SOCS6: variants seen among roughly 807,000 people sequenced by gnomAD.
SOCS6 encodes STAT induced STAT inhibitor-4.
A neutral mutation model predicts 27.7 loss-of-function variants in SOCS6; 5 were observed. That is an observed-to-expected ratio of 0.18 (90% CI 0.09 to 0.38). The LOEUF (loss-of-function observed/expected upper bound fraction) is 0.38. Ranked by LOEUF, SOCS6 falls within the 10% of genes least tolerant of loss-of-function variation. The pLI, the probability that SOCS6 is intolerant of heterozygous loss-of-function variation, is 1.00. For missense variants in SOCS6, 595 were observed against 688.1 expected, an observed-to-expected ratio of 0.86 and a Z score of 1.51; for synonymous variants, 271 against 260.0, an observed-to-expected ratio of 1.04 and a Z score of -0.41.
At chr18:70,290,852 T>A (rs2062295941) in intron 1 of SOCS6, among the ~76,000 whole-genome samples, 1 of 152,202 alleles carries the variant, frequency 6.6e-6, no homozygotes, top group Non-Finnish European at 1.5e-5. Context: ...ATTGGTAGTC[T>A]TGCCCCTTTC....
At chr18:70,308,041 A>G (rs112774524) in intron 1 of SOCS6, among the ~76,000 whole-genome samples, 3,552 of 152,224 alleles carry the variant, frequency 0.023, 66 homozygotes, top group Non-Finnish European at 0.04. Context: ...CAAAATATTT[A>G]CTAACTTTTC....
intron 1 of SOCS6, among the ~76,000 whole-genome samples, chr18:70,317,140 G>C (rs1000112514): frequency 1.3e-5 from 2 of 152,102 alleles, no homozygotes; most frequent in African/African-American, 4.8e-5. Flanking sequence ...CTGAGATTTG[G>C]GTTCAGCCAT....
At position 70,324,598 on chromosome 18, in the gene SOCS6, G is replaced by GCC. The variant is rs781656056; in HGVS notation, c.-70_-69dup. ...AAAAATACATAGATGCAGCCTTGCAGCCTCTCCAGATGTTTGGGGATAATA... is the reference window on the plus strand; with the variant it reads ...AAAAATACATAGATGCAGCCTTGCAGCCCCTCTCCAGATGTTTGGGGATAATA... On this transcript the variant is annotated 5_prime_UTR_variant, in exon 2 of 2. It removes the in-frame stop codon of an upstream open reading frame in the 5' UTR. Coordinates refer to ENST00000397942, the MANE Select transcript of SOCS6 (RefSeq NM_004232.4). 25 of 1,039,562 alleles carry GCC rather than the reference G, an allele frequency of 2.4e-5. No individual in the cohort carries two copies. The highest frequency in any genetic ancestry group is 3.4e-5 in the Non-Finnish European group (24 of 705,602). 64.4% of individuals were successfully genotyped at this position (1,039,562 alleles called of 1,614,324 possible).
At chr18:70,317,285 A>T (rs1200485126) in intron 1 of SOCS6, among the ~76,000 whole-genome samples, 1 of 152,144 alleles carries the variant, frequency 6.6e-6, no homozygotes, top group African/African-American at 2.4e-5. Flanking sequence ...TCGCACTTAT[A>T]AGTGAGAACA....
Position 70,328,616 on chromosome 18 carries a change from A to G in SOCS6, c.*2340A>G, listed in dbSNP as rs1016682967. On this transcript the variant is annotated 3_prime_UTR_variant, in exon 2 of 2. Transcript: ENST00000397942. Reference sequence around the variant, plus strand: ...TTTGTATATTCATAATATATACTTTAATATGCCCTATTCTAATCTAGTTTG... The same window carrying G: ...TTTGTATATTCATAATATATACTTTGATATGCCCTATTCTAATCTAGTTTG... The G allele has an allele frequency of 4.8e-5, 8 of 166,966 alleles. No individual in the cohort carries two copies. Among genetic ancestry groups the G allele is most frequent in the African/African-American group, 1.9e-4 (8 of 41,444 alleles). 10.3% of individuals were successfully genotyped at this position (166,966 alleles called of 1,614,324 possible).
intron 1 of SOCS6, among the ~76,000 whole-genome samples, chr18:70,289,382 G>T (rs1210678668): frequency 2.5e-4 from 37 of 147,922 alleles, no homozygotes; most frequent in Non-Finnish European, 2.7e-4. Context: ...GGGCCGGGGC[G>T]CGGCGGCCCC....
At position 70,326,347 on chromosome 18, in the gene SOCS6, C is replaced by G; in HGVS notation, c.*71C>G. ...GATTGAAATACAGTTTACAAACTTT[C>G]ATTGCCATCAAAATCTTTTGCTGCC... On this transcript the variant is annotated 3_prime_UTR_variant, in exon 2 of 2. Transcript: ENST00000397942. The G allele has an allele frequency of 7.8e-7, 1 of 1,285,260 alleles. No homozygotes were observed. Among genetic ancestry groups the G allele is most frequent in the South Asian group, 1.4e-5 (1 of 69,346 alleles). The allele number at this position is 1,285,260 out of a possible 1,614,324, so 79.6% of individuals were successfully genotyped here.
chr18:70,315,833 C>A (rs2062409010), intron 1 of SOCS6, among the ~76,000 whole-genome samples: 1 of 152,028 alleles, frequency 6.6e-6, no homozygotes, highest in African/African-American at 2.4e-5. Flanking sequence ...TAGGGTCTTG[C>A]AGAATCACAT....
intron 1 of SOCS6, among the ~76,000 whole-genome samples, chr18:70,322,499 C>T (rs192434557): frequency 2.6e-5 from 4 of 152,192 alleles, no homozygotes; most frequent in Admixed American, 1.3e-4. Context: ...GCTAGTCTCT[C>T]GTGTTTTGGG....
intron 1 of SOCS6, among the ~76,000 whole-genome samples, chr18:70,291,189 C>T (rs1345058649): frequency 6.6e-6 from 1 of 152,182 alleles, no homozygotes; most frequent in Non-Finnish European, 1.5e-5. Flanking sequence ...TCACTGCAGC[C>T]TTGAACTCCT....
intron 1 of SOCS6, among the ~76,000 whole-genome samples, chr18:70,298,954 G>A (rs930921612): frequency 2.0e-5 from 3 of 151,944 alleles, no homozygotes; most frequent in African/African-American, 7.3e-5. Context: ...GCAAAACCCC[G>A]TGTCTACTAA....
chr18:70,315,037 C>T (rs182200361), intron 1 of SOCS6, among the ~76,000 whole-genome samples: 6 of 152,156 alleles, frequency 3.9e-5, no homozygotes, highest in East Asian at 1.9e-4. Flanking sequence ...ATTAGAGCCA[C>T]GTTAGCAATC....
At chr18:70,295,730 G>A (rs886829927) in intron 1 of SOCS6, among the ~76,000 whole-genome samples, 2 of 152,176 alleles carry the variant, frequency 1.3e-5, no homozygotes, top group Non-Finnish European at 2.9e-5. Flanking sequence ...CAGAATTACT[G>A]CATTTTAGAG....
chr18:70,311,574 TTACAGAAAAGTCTAA>T, intron 1 of SOCS6, among the ~76,000 whole-genome samples: 1 of 152,192 alleles, frequency 6.6e-6, no homozygotes, highest in Non-Finnish European at 1.5e-5. Context: ...GGCTCGATGG[TTACAGAAAAGTCTAA>T]TACAGAAAAT....
At position 70,301,495 on chromosome 18, in the gene SOCS6, GAGA is replaced by G. The variant is rs1409411826; in HGVS notation, c.-127+12409_-127+12411del. On this transcript the variant is annotated intron_variant, in intron 1 of 1. Transcript: ENST00000397942. The stretch of plus-strand genomic sequence containing the variant: ...TAGAGTAGCCGGAAATGGAAGTATA[GAGA>G]AGATTTAAACCTGCAAGTGGGGCTG... Among the ~76,000 whole-genome samples, 11 of 145,742 alleles carry G rather than the reference GAGA, an allele frequency of 7.5e-5. No homozygotes were observed. The East Asian group carries it at 1.2e-3, about 16-fold the overall frequency.
intron 1 of SOCS6, among the ~76,000 whole-genome samples, chr18:70,295,197 G>GAC (rs1167915553): frequency 6.6e-6 from 1 of 152,176 alleles, no homozygotes; most frequent in African/African-American, 2.4e-5. Context: ...CCTTTTTGAA[G>GAC]ACAGGAATGT....
At chr18:70,290,139 A>G (rs2062292461) in intron 1 of SOCS6, among the ~76,000 whole-genome samples, 1 of 152,238 alleles carries the variant, frequency 6.6e-6, no homozygotes, top group African/African-American at 2.4e-5. Context: ...TGCACTGTGC[A>G]TGAGGACAGA....
In SOCS6 at chr18:70,328,205, A is replaced by C. The variant is rs369519477; in HGVS notation, c.*1929A>C. 1 of 166,858 alleles carries C rather than the reference A, an allele frequency of 6.0e-6. No homozygotes were observed. The highest frequency in any genetic ancestry group is 1.5e-5 in the Non-Finnish European group (1 of 68,102). 10.3% of individuals were successfully genotyped at this position (166,858 alleles called of 1,614,324 possible). A position where few individuals can be genotyped will look rare whatever the true frequency, so the allele number is the denominator to read the frequency against. ...AAGACATTTAAACTATTTTTTTGCA[A>C]AACTATTTATTTTTAAAACAACTTA... On this transcript the variant is annotated 3_prime_UTR_variant, in exon 2 of 2. Coordinates refer to ENST00000397942, the MANE Select transcript of SOCS6 (RefSeq NM_004232.4).
chr18:70,305,594 AAG>A (rs780852148), intron 1 of SOCS6, among the ~76,000 whole-genome samples: 1 of 152,260 alleles, frequency 6.6e-6, no homozygotes, highest in Non-Finnish European at 1.5e-5. Flanking sequence ...TAATATAAAA[AAG>A]AGCTTACTAA....
Sources: allele counts gnomAD v4.1 joint callset (sites outside exome capture counted in the v4.1 genomes callset), GRCh38; gene constraint gnomAD v4.1.1; transcripts MANE v1.5; gene names NCBI Gene and HGNC (gene_info 2026-07-23, HGNC 2026-07-21).